The following SCN1A variants were observed in gnomAD, a reference collection of about 807,000 sequenced individuals.
SCN1A encodes sodium channel protein type 1 subunit alpha.
A neutral mutation model predicts 193.7 loss-of-function variants in SCN1A; 13 were observed. That is an observed-to-expected ratio of 0.07 (90% CI 0.04 to 0.11). The LOEUF is 0.11. Ranked by LOEUF, SCN1A falls within the 10% of genes least tolerant of loss-of-function variation. SCN1A has a pLI of 1.00. For missense variants in SCN1A, 1,432 were observed against 2,451.1 expected, an observed-to-expected ratio of 0.58 and a Z score of 8.78; for synonymous variants, 781 against 843.6, an observed-to-expected ratio of 0.93 and a Z score of 1.29.
intron 4 of SCN1A, among the ~76,000 whole-genome samples, chr2:166,066,220 A>G (rs1683827891): frequency 6.6e-6 from 1 of 152,182 alleles, no homozygotes; most frequent in Non-Finnish European, 1.5e-5. Flanking sequence ...AAGGAAAAAG[A>G]ATAAAATCTG....
At chr2:166,130,603 T>G (rs1691618762), upstream of SCN1A, among the ~76,000 whole-genome samples, 1 of 152,218 alleles carries the variant, frequency 6.6e-6, no homozygotes, top group Non-Finnish European at 1.5e-5. Context: ...CTTTTGTTAA[T>G]TATAGAACAA....
intron 19 of SCN1A, among the ~76,000 whole-genome samples, chr2:166,016,801 T>C (rs1265800109): frequency 1.3e-5 from 2 of 151,900 alleles, no homozygotes; most frequent in African/African-American, 4.8e-5. Context: ...TTCAGGCTTA[T>C]GTAGACCCGA....
In SCN1A at chr2:165,991,572, G is replaced by C. The variant is rs1003035644; in HGVS notation, c.5703C>G (p.Val1901=). The C allele has an allele frequency of 1.2e-6, 2 of 1,613,774 alleles. No individual in the cohort carries two copies. The highest frequency in any genetic ancestry group is 2.7e-5 in the African/African-American group (2 of 74,886). The change falls in exon 29 of 29, where the codon GTC becomes GTG. Residue 1901 remains valine, a synonymous_variant. Coordinates refer to ENST00000674923, the MANE Select transcript of SCN1A (RefSeq NM_001165963.4). ...ERFMASNPSK[V]SYQPITTTLK... ...AAGTAGTAGTGATTGGCTGATAGGA[G>C]ACCTTGGAAGGATTGGAAGCCATGA...
At chr2:166,062,900 T>C (rs1683462921) in intron 4 of SCN1A, among the ~76,000 whole-genome samples, 1 of 152,146 alleles carries the variant, frequency 6.6e-6, no homozygotes, top group Non-Finnish European at 1.5e-5. Flanking sequence ...AGGATAACTT[T>C]TATTGCATTA....
chr2:166,136,368 T>C (rs16851609), intron 1 of SCN1A, among the ~76,000 whole-genome samples: 4,727 of 152,230 alleles, frequency 0.031, 588 homozygotes, highest in Admixed American at 0.23. Flanking sequence ...AACTCAGCGA[T>C]CATTTGCTCT....
intron 2 of SCN1A, among the ~76,000 whole-genome samples, chr2:166,117,885 C>T (rs915965131): frequency 3.3e-5 from 5 of 151,952 alleles, no homozygotes; most frequent in Non-Finnish European, 7.4e-5. Flanking sequence ...ATCGCTTGAA[C>T]CCAGGAGGCG....
chr2:165,984,880 TA>T (rs2105394395), downstream of SCN1A: 1 of 152,260 alleles, frequency 6.6e-6, no homozygotes, highest in Non-Finnish European at 1.5e-5. Context: ...AGTTAACAGC[TA>T]GCATAACATT....
intron 9 of SCN1A, among the ~76,000 whole-genome samples, chr2:166,051,264 A>G (rs1220518525): frequency 6.6e-6 from 1 of 152,072 alleles, no homozygotes; most frequent in East Asian, 1.9e-4. Context: ...GTGATTAACA[A>G]AATTCTTCTT....
chr2:166,148,653 A>G (rs1176554924), intron 1 of SCN1A, among the ~76,000 whole-genome samples: 1 of 152,182 alleles, frequency 6.6e-6, no homozygotes, highest in African/African-American at 2.4e-5. Flanking sequence ...AGGCATATAT[A>G]TAACTCACTT....
chr2:165,991,185 A>G lies in SCN1A; in HGVS notation c.*60T>C. The G allele has an allele frequency of 2.0e-6, 3 of 1,472,138 alleles. No homozygotes were observed. The highest frequency in any genetic ancestry group is 2.8e-6 in the Non-Finnish European group (3 of 1,079,606). 91.2% of individuals were successfully genotyped at this position (1,472,138 alleles called of 1,614,324 possible). A position where few individuals can be genotyped will look rare whatever the true frequency, so the allele number is the denominator to read the frequency against. ...TCCTAAAGGAGTCCTGTTGATAAAA[A>G]TACATCACCTTCACAGGCTGTAAAC... On this transcript the variant is annotated 3_prime_UTR_variant, in exon 29 of 29. Coordinates refer to ENST00000674923, the MANE Select transcript of SCN1A (RefSeq NM_001165963.4).
Position 165,992,764 on chromosome 2 carries a change from T to G in SCN1A, c.4853-342A>C, listed in dbSNP as rs940129774. 1 of 159,492 alleles carries G rather than the reference T, an allele frequency of 6.3e-6. No individual in the cohort carries two copies. Among genetic ancestry groups the G allele is most frequent in the Non-Finnish European group, 1.3e-5 (1 of 74,160 alleles). The allele number at this position is 159,492 out of a possible 1,614,324, so 9.9% of individuals were successfully genotyped here. On this transcript the variant is annotated intron_variant, in intron 28 of 28. Coordinates refer to ENST00000674923, the MANE Select transcript of SCN1A (RefSeq NM_001165963.4). This position sits in a 1 kb window ranked among gnomAD's most constrained non-coding sequence, Gnocchi z 6.5. The stretch of plus-strand genomic sequence containing the variant: ...AACAGTAGCAGCCCAACAGTATAGG[T>G]ACAAGTTTATATGTATACAGTGACT...
At chr2:166,095,579 T>C (rs898136939) in intron 2 of SCN1A, among the ~76,000 whole-genome samples, 1 of 152,196 alleles carries the variant, frequency 6.6e-6, no homozygotes, top group Non-Finnish European at 1.5e-5. Flanking sequence ...GAAACAACGA[T>C]GCCTGTTAAA....
chr2:166,058,719 G>T, intron 4 of SCN1A, 31 bp from the exon 5 acceptor site: 2 of 1,235,986 alleles, frequency 1.6e-6, no homozygotes, highest in South Asian at 1.2e-5. Context: ...ATAGAAGTAT[G>T]AAAGTATAAA....
chr2:166,109,244 C>T (rs1364300213), intron 2 of SCN1A, among the ~76,000 whole-genome samples: 1 of 152,042 alleles, frequency 6.6e-6, no homozygotes. Flanking sequence ...AATTTTGGAT[C>T]CTACTCTGAC....
intron 4 of SCN1A, among the ~76,000 whole-genome samples, chr2:166,061,735 T>C (rs1446576662): frequency 6.6e-6 from 1 of 152,170 alleles, no homozygotes; most frequent in Non-Finnish European, 1.5e-5. Flanking sequence ...TATAAAGGGC[T>C]GAAACTAAGT....
chr2:166,086,399 T>C (rs1298435878), intron 2 of SCN1A, among the ~76,000 whole-genome samples: 2 of 152,198 alleles, frequency 1.3e-5, no homozygotes, highest in Non-Finnish European at 2.9e-5. Flanking sequence ...CCGAAAACTC[T>C]ACCCTCGGAT....
chr2:166,054,623 A>G lies in SCN1A; in HGVS notation c.602+15T>C, dbSNP rs1698936009. On this transcript the variant is annotated intron_variant, in intron 7 of 28. Coordinates refer to ENST00000674923, the MANE Select transcript of SCN1A (RefSeq NM_001165963.4). ...AAACTATGTTCTCTCTTAAAGTTTC[A>G]AAAAAGGCACTTACGCAAATGTAAT... 1 of 1,610,556 alleles carries G rather than the reference A, an allele frequency of 6.2e-7. No homozygotes were observed.
At chr2:166,124,809 C>T (rs968692970) in intron 2 of SCN1A, among the ~76,000 whole-genome samples, 1 of 152,180 alleles carries the variant, frequency 6.6e-6, no homozygotes, top group Non-Finnish European at 1.5e-5. Context: ...AACTGTATAA[C>T]CCAGCAAGTT....
At chr2:166,101,335 A>T (rs1489628070) in intron 2 of SCN1A, among the ~76,000 whole-genome samples, 2 of 126,436 alleles carry the variant, frequency 1.6e-5, no homozygotes, top group African/African-American at 3.1e-5. Flanking sequence ...CAGGAAGGGG[A>T]ATATCACACT....
Sources: gnomAD v4.1 joint callset for allele counts (sites outside exome capture counted in the v4.1 genomes callset) on GRCh38, gnomAD v4.1.1 for gene constraint, Gnocchi (gnomAD v3.1) non-coding constraint, MANE v1.5 for transcripts, NCBI Gene and HGNC (gene_info 2026-07-23, HGNC 2026-07-21) for gene names.